TSFM: variants seen among roughly 807,000 people sequenced by gnomAD.
TSFM encodes Ts translation elongation factor, mitochondrial.
A neutral mutation model predicts 33.4 loss-of-function variants in TSFM; 29 were observed. The observed-to-expected ratio is 0.87, with a 90% confidence interval of 0.65 to 1.18. The LOEUF (loss-of-function observed/expected upper bound fraction) is 1.18. Among genes scored for constraint, TSFM ranks in the 50% most tolerant of loss-of-function variants. The pLI is 0.00. For missense variants in TSFM, 394 were observed against 395.6 expected, an observed-to-expected ratio of 1.00 and a Z score of 0.04; for synonymous variants, 178 against 163.5, an observed-to-expected ratio of 1.09 and a Z score of -0.68.
At chr12:57,802,392 A>G (rs774508992), downstream of TSFM, 14 of 1,553,932 alleles carry the variant, frequency 9.0e-6, no homozygotes, top group Non-Finnish European at 1.2e-5. Context: ...GTTCATACCA[A>G]GGACTAAGTA....
chr12:57,801,211 G>C, downstream of TSFM: 1 of 1,612,894 alleles, frequency 6.2e-7, no homozygotes, highest in Non-Finnish European at 8.5e-7. Context: ...TGTTTTTCCT[G>C]CCTGAGAAGA....
downstream of TSFM, among the ~76,000 whole-genome samples, chr12:57,799,298 A>G (rs947771664): frequency 2.6e-5 from 4 of 152,240 alleles, no homozygotes; most frequent in Admixed American, 1.3e-4. Flanking sequence ...AGGAACAGCA[A>G]AGCAGCCGCT....
chr12:57,796,392 A>G lies in TSFM; in HGVS notation c.787A>G (p.Met263Val). Residue 263 changes from methionine to valine, a missense_variant, in exon 6 of 6, where the codon ATG (methionine) becomes GTG (valine). Coordinates refer to ENST00000652027, the MANE Select transcript of TSFM (RefSeq NM_005726.6). Reference protein sequence around the residue: ...GRRLGQHVVGMAPLSVGSLDD... With the variant: ...GRRLGQHVVGVAPLSVGSLDD... ...CCGCCTTGGGCAGCATGTGGTGGGC[A>G]TGGCCCCCCTCTCTGTTGGCTCCCT... 6.2e-7 allele frequency: 1 copy of G among 1,602,824 alleles called. No homozygotes were observed. Among genetic ancestry groups the G allele is most frequent in the Non-Finnish European group, 8.5e-7 (1 of 1,174,524 alleles).
In TSFM at chr12:57,793,598, G is replaced by C. The variant is rs1333274421; in HGVS notation, c.571+525G>C. ...AAGCTGTAACCAATTGTTATATCTAGGGAAACGGAGTCCTGGGGTCATCAG... is the reference window on the plus strand; with the variant it reads ...AAGCTGTAACCAATTGTTATATCTACGGAAACGGAGTCCTGGGGTCATCAG... On this transcript the variant is annotated intron_variant, in intron 5 of 5. Transcript: ENST00000652027. Among the ~76,000 whole-genome samples the C allele has an allele frequency of 2.6e-5, 4 of 152,190 alleles. No homozygotes were observed. The East Asian group carries it at 7.7e-4, about 29-fold the overall frequency.
intron 1 of TSFM, 60 bp from the exon 2 acceptor site, chr12:57,783,050 A>G: frequency 6.4e-7 from 1 of 1,561,578 alleles, no homozygotes; most frequent in East Asian, 2.2e-5. Context: ...CTGCCCGTGT[A>G]CCCTTCACCC....
intron 2 of TSFM, 46 bp downstream of exon 2, chr12:57,783,329 C>T: frequency 6.2e-7 from 1 of 1,611,248 alleles, no homozygotes; most frequent in Non-Finnish European, 8.5e-7. Flanking sequence ...AGCTCGACCT[C>T]AGACTCTTGG....
Position 57,783,139 on chromosome 12 carries a change from G to A in TSFM, c.87G>A (p.Gln29=), listed in dbSNP as rs761468778. The change falls in exon 2 of 6, where the codon CAG becomes CAA. Residue 29 remains glutamine (Q), a synonymous_variant. Coordinates refer to ENST00000652027, the MANE Select transcript of TSFM (RefSeq NM_005726.6). Reference sequence around the variant, plus strand: ...GGTCTCTTCTGCGTCAGTCGCCCCAGCCAAGGCACACATTTTATGCTGGGC... The same window carrying A: ...GGTCTCTTCTGCGTCAGTCGCCCCAACCAAGGCACACATTTTATGCTGGGC... ...PAGSLLRQSP[Q]PRHTFYAGPR... is the part of the protein sequence containing the mutation. 1.2e-6 allele frequency: 2 copies of A among 1,612,116 alleles called. No individual in the cohort carries two copies. The highest frequency in any genetic ancestry group is 1.7e-6 in the Non-Finnish European group (2 of 1,179,846).
chr12:57,793,672 G>A (rs781180471), intron 5 of TSFM, among the ~76,000 whole-genome samples: 2 of 152,062 alleles, frequency 1.3e-5, no homozygotes, highest in Non-Finnish European at 1.5e-5. Context: ...AAAATCTCAC[G>A]GATTTTGGCT....
chr12:57,784,511 C>T (rs1362447890), intron 2 of TSFM, among the ~76,000 whole-genome samples: 2 of 152,192 alleles, frequency 1.3e-5, no homozygotes, highest in African/African-American at 4.8e-5. Flanking sequence ...GCATAAAACA[C>T]ATATTGTACA....
intron 4 of TSFM, among the ~76,000 whole-genome samples, chr12:57,790,060 CTTT>C (rs35382401): frequency 1.1e-4 from 12 of 105,428 alleles, no homozygotes; most frequent in African/African-American, 2.2e-4. Context: ...TTCTTTCTTT[CTTT>C]TTTTTTTTTT....
At chr12:57,784,255 T>C (rs1481029562) in intron 2 of TSFM, 11 of 640,928 alleles carry the variant, frequency 1.7e-5, no homozygotes, top group Middle Eastern at 8.2e-4. Context: ...AGGGAACTTA[T>C]CATGTATGGA....
Position 57,797,393 on chromosome 12 carries a change from T to C in TSFM, c.*810T>C. 2.0e-6 allele frequency: 2 copies of C among 985,454 alleles called. No individual in the cohort carries two copies. Among genetic ancestry groups the C allele is most frequent in the African/African-American group, 3.5e-5 (2 of 57,366 alleles). The allele number at this position is 985,454 out of a possible 1,614,324, so 61.0% of individuals were successfully genotyped here. On this transcript the variant is annotated 3_prime_UTR_variant, in exon 6 of 6. Transcript: ENST00000652027. ...TAACTCCATTTGTTCATTATAGGTA[T>C]CTTTATTTGAAAAGTGAAAAATGCT... is the stretch of plus-strand genomic sequence containing the variant.
rs1955754687 is a variant in TSFM at position 57,797,247 on chromosome 12, T to TA, written c.*665dup. 7.1e-6 allele frequency: 7 copies of TA among 985,390 alleles called. No individual in the cohort carries two copies. The highest frequency in any genetic ancestry group is 8.4e-6 in the Non-Finnish European group (7 of 829,920). The allele number at this position is 985,390 out of a possible 1,614,324, so 61.0% of individuals were successfully genotyped here. Reference sequence around the variant, plus strand: ...ACATTCTTGTGCCAGAAACAGAAATTAGAGTAGTCCAGTTACCCAGAGAGC... The same window carrying TA: ...ACATTCTTGTGCCAGAAACAGAAATTAAGAGTAGTCCAGTTACCCAGAGAGC... On this transcript the variant is annotated 3_prime_UTR_variant, in exon 6 of 6. Transcript: ENST00000652027.
chr12:57,790,060 C>CTTT lies in TSFM; in HGVS notation c.484-2907_484-2905dup, dbSNP rs35382401. 2.2e-3 allele frequency among the ~76,000 whole-genome samples: 227 copies of CTTT among 105,272 alleles called. 2 individuals are homozygous for CTTT. The highest frequency in any genetic ancestry group is 6.2e-3 in the Middle Eastern group (1 of 162). 69.1% of individuals were successfully genotyped at this position (105,272 alleles called of 152,430 possible). On this transcript the variant is annotated intron_variant, in intron 4 of 5. Transcript: ENST00000652027. ...GTTAGGTGTGCTGATTTCTTTCTTTCTTTTTTTTTTTTTTTTTTTTTGAGA... is the reference window on the plus strand; with the variant it reads ...GTTAGGTGTGCTGATTTCTTTCTTTCTTTTTTTTTTTTTTTTTTTTTTTTGAGA...
At chr12:57,800,995 A>G (rs1955835584), downstream of TSFM, 2 of 572,318 alleles carry the variant, frequency 3.5e-6, no homozygotes, top group African/African-American at 3.8e-5. Context: ...CTGCTTTTCT[A>G]TTGATTACAA....
At chr12:57,793,575 G>A (rs1955693482) in intron 5 of TSFM, among the ~76,000 whole-genome samples, 1 of 152,170 alleles carries the variant, frequency 6.6e-6, no homozygotes, top group Non-Finnish European at 1.5e-5. Flanking sequence ...CCATTGCCAA[G>A]CTGTAACCAA....
chr12:57,788,352 T>C (rs1188628124), intron 4 of TSFM, among the ~76,000 whole-genome samples: 1 of 152,058 alleles, frequency 6.6e-6, no homozygotes, highest in Non-Finnish European at 1.5e-5. Flanking sequence ...CAATCTTGGC[T>C]CACTGCAACC....
At chr12:57,790,124 C>T (rs12371141) in intron 4 of TSFM, among the ~76,000 whole-genome samples, 12 of 133,710 alleles carry the variant, frequency 9.0e-5, no homozygotes, top group Admixed American at 2.7e-4. Flanking sequence ...AGTGCAGTGG[C>T]GCGATCTTGG....
At chr12:57,800,011 A>G, downstream of TSFM, 1 of 1,483,116 alleles carries the variant, frequency 6.7e-7, no homozygotes, top group Non-Finnish European at 9.2e-7. Flanking sequence ...TAACATTTTG[A>G]CTTATGCCAC....
Sources: gnomAD v4.1 joint callset for allele counts (sites outside exome capture counted in the v4.1 genomes callset) on GRCh38, gnomAD v4.1.1 for gene constraint, MANE v1.5 for transcripts, NCBI Gene and HGNC (gene_info 2026-07-23, HGNC 2026-07-21) for gene names.